Variants in FAR2 observed in about 807,000 individuals in gnomAD.
The protein encoded by FAR2 is epididymis secretory protein Li 81.
FAR2 carries 19 observed loss-of-function variants against 56.0 expected under a neutral mutation model. The observed-to-expected ratio is 0.34, with a 90% confidence interval of 0.24 to 0.50. The LOEUF is 0.50. Among genes scored for constraint, FAR2 ranks in the 20% least tolerant of loss-of-function variants. FAR2 has a pLI of 0.98. For synonymous variants in FAR2, 219 were observed against 218.8 expected (o/e 1.00, Z -0.01); for missense variants, 508 against 642.2 (o/e 0.79, Z 2.26).
intron 1 of FAR2, among the ~76,000 whole-genome samples, chr12:29,263,728 G>T (rs1469556458): frequency 2.7e-5 from 4 of 148,792 alleles, no homozygotes; most frequent in Non-Finnish European, 6.0e-5. Context: ...CCAGCTGAGA[G>T]AACTGGTTCA....
chr12:29,330,650 T>C (rs1158392318), intron 10 of FAR2, among the ~76,000 whole-genome samples: 1 of 152,176 alleles, frequency 6.6e-6, no homozygotes, highest in Non-Finnish European at 1.5e-5. Context: ...TCTTTAGAAG[T>C]GTAATATTTC....
intron 4 of FAR2, among the ~76,000 whole-genome samples, chr12:29,300,629 A>AGTT (rs34282694): frequency 0.46 from 69,592 of 150,122 alleles, 18,782 homozygotes; most frequent in Admixed American, 0.61. Flanking sequence ...CCTGGGGGAA[A>AGTT]GTTGTTGTTG....
chr12:29,225,371 A>C (rs1947750134), intron 1 of FAR2, among the ~76,000 whole-genome samples: 2 of 152,152 alleles, frequency 1.3e-5, no homozygotes, highest in African/African-American at 4.8e-5. Context: ...ATTATTGTAA[A>C]GGTTAAATGG....
rs560022080 is a variant in FAR2, at chr12:29,267,203, C to A, written c.-38-3209C>A. ...TTATTTACAAAAGAAAATGGGTATA[C>A]AAAATGTACGAGACAGGACATTTAA... On this transcript the variant is annotated intron_variant, in intron 1 of 11. Transcript: ENST00000536681. Among the ~76,000 whole-genome samples, 4 of 152,028 alleles carry A rather than the reference C, an allele frequency of 2.6e-5. No individual in the cohort carries two copies. In the East Asian group the frequency reaches 7.7e-4, roughly 29 times the overall value.
intron 8 of FAR2, among the ~76,000 whole-genome samples, chr12:29,315,291 C>A (rs1381529576): frequency 6.6e-6 from 1 of 152,014 alleles, no homozygotes; most frequent in Non-Finnish European, 1.5e-5. Context: ...TCAAGGACAG[C>A]AAGGAGGCCA....
Position 29,332,745 on chromosome 12 carries a change from G to T in FAR2, c.1385+18G>T. 1 of 1,607,306 alleles carries T rather than the reference G, an allele frequency of 6.2e-7. No homozygotes were observed. The highest frequency in any genetic ancestry group is 8.5e-7 in the Non-Finnish European group (1 of 1,176,412). ...TTAAAAAGGTAAGTATAATCAGTCAGTTAATATTTATTGAGCACCTACTGT... is the reference window on the plus strand; with the variant it reads ...TTAAAAAGGTAAGTATAATCAGTCATTTAATATTTATTGAGCACCTACTGT... On this transcript the variant is annotated intron_variant, in intron 11 of 11. Coordinates refer to ENST00000536681, the MANE Select transcript of FAR2 (RefSeq NM_001271783.2).
In FAR2 at chr12:29,189,231, CATTT is replaced by C. The variant is rs536798751; in HGVS notation, c.-39+39835_-39+39838del. Reference sequence around the variant, plus strand: ...TTCCTCACTTATCTCTTTATTCAAACATTTATTTATTTATATCAGTACAAACTCA... The same window carrying C: ...TTCCTCACTTATCTCTTTATTCAAACATTTATTTATATCAGTACAAACTCA... On this transcript the variant is annotated intron_variant, in intron 1 of 11. Coordinates refer to ENST00000536681, the MANE Select transcript of FAR2 (RefSeq NM_001271783.2). Among the ~76,000 whole-genome samples the C allele has an allele frequency of 6.6e-3, 1,004 of 152,232 alleles. 9 individuals are homozygous for C. The highest frequency in any genetic ancestry group is 0.023 in the African/African-American group (960 of 41,544).
chr12:29,249,904 A>T (rs1295577336), intron 1 of FAR2, among the ~76,000 whole-genome samples: 1 of 152,170 alleles, frequency 6.6e-6, no homozygotes, highest in African/African-American at 2.4e-5. Context: ...AATCAGTGGG[A>T]ATGTTCATTA....
At chr12:29,326,521 A>G (rs577108429) in intron 10 of FAR2, among the ~76,000 whole-genome samples, 21 of 152,222 alleles carry the variant, frequency 1.4e-4, no homozygotes, top group Middle Eastern at 3.4e-3. Flanking sequence ...CTGGCAAACC[A>G]AATCCAGCAA....
chr12:29,257,732 C>T (rs969721606), intron 1 of FAR2, among the ~76,000 whole-genome samples: 23 of 152,162 alleles, frequency 1.5e-4, no homozygotes, highest in African/African-American at 5.3e-4. Context: ...GCCAGCGAGA[C>T]CACGAACCCA....
At chr12:29,247,982 T>A (rs1207580499) in intron 1 of FAR2, among the ~76,000 whole-genome samples, 3 of 152,254 alleles carry the variant, frequency 2.0e-5, no homozygotes, top group Admixed American at 6.5e-5. Flanking sequence ...TTTAAAACTT[T>A]GAGTTATTCA....
Position 29,161,438 on chromosome 12 carries a change from A to G in FAR2, c.-39+12031A>G, listed in dbSNP as rs145752686. On this transcript the variant is annotated intron_variant, in intron 1 of 11. Coordinates refer to ENST00000536681, the MANE Select transcript of FAR2 (RefSeq NM_001271783.2). ...TTTACATCTGGCTTATTTACTCAAT[A>G]TTATGTTTGTGAGATCTTTCAAATT... Among the ~76,000 whole-genome samples the G allele has an allele frequency of 1.4e-3, 212 of 152,294 alleles. 1 individual carries two copies. The South Asian group carries it at 0.02, about 14-fold the overall frequency.
At chr12:29,177,511 C>T (rs1048859578) in intron 1 of FAR2, among the ~76,000 whole-genome samples, 1 of 152,172 alleles carries the variant, frequency 6.6e-6, no homozygotes, top group Non-Finnish European at 1.5e-5. Context: ...TGGGGTATAA[C>T]CAGATTTCCT....
chr12:29,233,286 C>A (rs1022144737), intron 1 of FAR2, among the ~76,000 whole-genome samples: 1 of 152,154 alleles, frequency 6.6e-6, no homozygotes, highest in Non-Finnish European at 1.5e-5. Context: ...CATGCTCATG[C>A]AGATTGATGC....
chr12:29,223,009 T>C (rs1197347952), intron 1 of FAR2, among the ~76,000 whole-genome samples: 1 of 152,102 alleles, frequency 6.6e-6, no homozygotes, highest in Non-Finnish European at 1.5e-5. Context: ...ATGAAAATAT[T>C]TGTAGTATTT....
At chr12:29,311,829 T>C (rs1371012635) in intron 7 of FAR2, 54 bp from the exon 8 acceptor site, 1 of 1,270,488 alleles carries the variant, frequency 7.9e-7, no homozygotes, top group Non-Finnish European at 1.1e-6. Flanking sequence ...CTTATTTTTC[T>C]CTCATTAGTT....
chr12:29,327,777 G>A (rs1051949749), intron 10 of FAR2, among the ~76,000 whole-genome samples: 1 of 152,152 alleles, frequency 6.6e-6, no homozygotes, highest in Non-Finnish European at 1.5e-5. Context: ...AGACTTACAC[G>A]TTAGACCTAA....
chr12:29,255,549 T>A (rs924444647), intron 1 of FAR2, among the ~76,000 whole-genome samples: 2 of 152,248 alleles, frequency 1.3e-5, no homozygotes, highest in Non-Finnish European at 2.9e-5. Context: ...TTTGCAAATT[T>A]TTTTATACTC....
intron 1 of FAR2, among the ~76,000 whole-genome samples, chr12:29,157,957 A>G (rs2136574815): frequency 6.6e-6 from 1 of 152,336 alleles, no homozygotes; most frequent in Admixed American, 6.5e-5. Context: ...CATGTATTAA[A>G]GATTTTTGCT....
Sources: allele counts gnomAD v4.1 joint callset (sites outside exome capture counted in the v4.1 genomes callset), GRCh38; gene constraint gnomAD v4.1.1; transcripts MANE v1.5; gene names NCBI Gene and HGNC (gene_info 2026-07-23, HGNC 2026-07-21).